The following FBXO42 variants were observed in gnomAD, a reference collection of about 807,000 sequenced individuals.
FBXO42 encodes F-box protein 42, also known as F-box only protein 42.
Under a neutral mutation model 71.7 loss-of-function variants are expected in FBXO42, and 12 were observed. The observed-to-expected ratio is 0.17, with a 90% confidence interval of 0.11 to 0.27. The LOEUF (loss-of-function observed/expected upper bound fraction) is 0.27, where lower values mean the gene tolerates loss of function less well. Ranked by LOEUF, FBXO42 falls within the 10% of genes least tolerant of loss-of-function variation. The pLI, the probability that FBXO42 is intolerant of heterozygous loss-of-function variation, is 1.00. For missense variants in FBXO42, 707 were observed against 911.9 expected, an observed-to-expected ratio of 0.78 and a Z score of 2.89; for synonymous variants, 325 against 327.5, an observed-to-expected ratio of 0.99 and a Z score of 0.08.
intron 1 of FBXO42, among the ~76,000 whole-genome samples, chr1:16,351,842 G>C (rs2082705254): frequency 6.6e-6 from 1 of 152,154 alleles, no homozygotes; most frequent in Admixed American, 6.5e-5. Context: ...GTTCAGAGAT[G>C]CTAGCCCCCA....
chr1:16,296,924 C>T (rs1406451758), intron 3 of FBXO42, among the ~76,000 whole-genome samples: 14 of 132,728 alleles, frequency 1.1e-4, no homozygotes, highest in African/African-American at 4.0e-4. Flanking sequence ...CCCCCTCCCC[C>T]GCACCCCCCA....
chr1:16,304,006 T>C (rs1392269048), intron 3 of FBXO42, among the ~76,000 whole-genome samples: 7 of 152,186 alleles, frequency 4.6e-5, no homozygotes, highest in Admixed American at 1.3e-4. Context: ...GGTTGTACCA[T>C]GTTGGCTATG....
At position 16,326,048 on chromosome 1, in the gene FBXO42, GTC is replaced by G. The variant is rs754695096; in HGVS notation, c.-17-10615_-17-10614del. On this transcript the variant is annotated intron_variant, in intron 1 of 9. Transcript: ENST00000375592. ...TGTGTGTGTGTGTGTGTGTGTGTGTGTCTGTGTGTGTCTGTGTGTGTTTTGAG... is the reference window on the plus strand; with the variant it reads ...TGTGTGTGTGTGTGTGTGTGTGTGTGTGTGTGTGTCTGTGTGTGTTTTGAG... Among the ~76,000 whole-genome samples, 42 of 126,068 alleles carry G rather than the reference GTC, an allele frequency of 3.3e-4. No homozygotes were observed. In the East Asian group the frequency reaches 4.4e-3, roughly 13 times the overall value. 82.7% of individuals were successfully genotyped at this position (126,068 alleles called of 152,430 possible).
chr1:16,278,554 C>G (rs1257037114), intron 4 of FBXO42, among the ~76,000 whole-genome samples: 2 of 151,842 alleles, frequency 1.3e-5, no homozygotes, highest in African/African-American at 2.4e-5. Context: ...ATACCTGGTA[C>G]CAGGTATCAG....
rs139819340 is a variant in FBXO42, at chr1:16,315,095, A to T, written c.250+74T>A. On this transcript the variant is annotated intron_variant, in intron 2 of 9. Coordinates refer to ENST00000375592, the MANE Select transcript of FBXO42 (RefSeq NM_018994.3). ...ATAATACATTTAAGGGAGGAAAAAA[A>T]CTAAATTTGGAGTCTAAAAATAAAT... is the stretch of plus-strand genomic sequence containing the variant. 1.2e-4 allele frequency: 178 copies of T among 1,505,072 alleles called. No homozygotes were observed. In the Middle Eastern group the frequency reaches 2.9e-3, roughly 25 times the overall value. The allele number at this position is 1,505,072 out of a possible 1,614,324, so 93.2% of individuals were successfully genotyped here.
intron 1 of FBXO42, among the ~76,000 whole-genome samples, chr1:16,316,377 A>G (rs1034312053): frequency 7.2e-5 from 11 of 151,982 alleles, no homozygotes; most frequent in African/African-American, 1.4e-4. Context: ...CAACTTTAGA[A>G]ACAAAAGACA....
intron 1 of FBXO42, among the ~76,000 whole-genome samples, chr1:16,338,920 C>T (rs2082578070): frequency 6.7e-6 from 1 of 148,692 alleles, no homozygotes; most frequent in Admixed American, 6.9e-5. Context: ...AAGCAATTCT[C>T]CTGCCTCAGC....
intron 4 of FBXO42, among the ~76,000 whole-genome samples, chr1:16,264,609 T>C (rs1001080122): frequency 2.0e-5 from 3 of 152,164 alleles, no homozygotes; most frequent in Non-Finnish European, 4.4e-5. Context: ...CCTCTTCCCC[T>C]AGAGCCCTCT....
At chr1:16,270,763 C>T (rs1459982695) in intron 4 of FBXO42, among the ~76,000 whole-genome samples, 34 of 141,268 alleles carry the variant, frequency 2.4e-4, no homozygotes, top group African/African-American at 9.6e-4. Flanking sequence ...CACACACACA[C>T]ACACACACAC....
intron 4 of FBXO42, among the ~76,000 whole-genome samples, chr1:16,286,874 C>T (rs1252030305): frequency 4.6e-5 from 7 of 152,190 alleles, no homozygotes; most frequent in Non-Finnish European, 1.0e-4. Context: ...TCCTACTCTA[C>T]ATCCAAAATA....
At chr1:16,314,530 G>A (rs2082344544) in intron 2 of FBXO42, among the ~76,000 whole-genome samples, 1 of 152,224 alleles carries the variant, frequency 6.6e-6, no homozygotes, top group Non-Finnish European at 1.5e-5. Flanking sequence ...AGAATGTAAA[G>A]CAGTTACAAT....
At chr1:16,289,877 T>C (rs911054470) in intron 4 of FBXO42, among the ~76,000 whole-genome samples, 1 of 152,156 alleles carries the variant, frequency 6.6e-6, no homozygotes, top group African/African-American at 2.4e-5. Context: ...ACTGTGCCAT[T>C]GCACTCCAGC....
intron 4 of FBXO42, among the ~76,000 whole-genome samples, chr1:16,282,791 G>C (rs1196261109): frequency 2.6e-5 from 4 of 151,486 alleles, no homozygotes; most frequent in Non-Finnish European, 4.4e-5. Flanking sequence ...GACCACCCTG[G>C]CCAACATGGT....
chr1:16,351,256 A>T (rs1440419336), intron 1 of FBXO42, among the ~76,000 whole-genome samples: 2 of 152,214 alleles, frequency 1.3e-5, no homozygotes, highest in African/African-American at 4.8e-5. Context: ...CAAGGCTTCA[A>T]ACCGACTTCC....
At chr1:16,330,985 G>A (rs1188054078) in intron 1 of FBXO42, among the ~76,000 whole-genome samples, 1 of 152,054 alleles carries the variant, frequency 6.6e-6, no homozygotes, top group Non-Finnish European at 1.5e-5. Context: ...GCTGGGCATG[G>A]TGGCGCGTGC....
chr1:16,338,976 A>G (rs2082578469), intron 1 of FBXO42, among the ~76,000 whole-genome samples: 1 of 151,642 alleles, frequency 6.6e-6, no homozygotes, highest in Non-Finnish European at 1.5e-5. Flanking sequence ...ACCCCCGGCT[A>G]ATTTCTGTAT....
chr1:16,306,761 T>C (rs767958533), intron 2 of FBXO42, among the ~76,000 whole-genome samples: 6 of 152,292 alleles, frequency 3.9e-5, no homozygotes, highest in Non-Finnish European at 8.8e-5. Flanking sequence ...GTGGCATGCA[T>C]GACTTTAGCT....
At chr1:16,346,120 T>C (rs781398936) in intron 1 of FBXO42, among the ~76,000 whole-genome samples, 1 of 152,126 alleles carries the variant, frequency 6.6e-6, no homozygotes, top group Non-Finnish European at 1.5e-5. Context: ...ATACAGAAAG[T>C]AGCAAGGAAA....
chr1:16,342,046 G>A (rs1332875548), intron 1 of FBXO42, among the ~76,000 whole-genome samples: 3 of 151,334 alleles, frequency 2.0e-5, no homozygotes, highest in Admixed American at 6.6e-5. Flanking sequence ...GGAGTCTGAG[G>A]TGGGTGGATC....
Sources: allele counts gnomAD v4.1 joint callset (sites outside exome capture counted in the v4.1 genomes callset), GRCh38; gene constraint gnomAD v4.1.1; transcripts MANE v1.5; gene names NCBI Gene and HGNC (gene_info 2026-07-23, HGNC 2026-07-21).